The following NTN4 variants were observed in gnomAD, a reference collection of about 807,000 sequenced individuals.
The protein encoded by NTN4 is netrin 4.
Under a neutral mutation model 73.6 loss-of-function variants are expected in NTN4, and 32 were observed. That is an observed-to-expected ratio of 0.44 (90% CI 0.33 to 0.58). The LOEUF is 0.58. Ranked by LOEUF, NTN4 falls within the 20% of genes least tolerant of loss-of-function variation. NTN4 has a pLI of 0.04. For synonymous variants in NTN4, 258 were observed against 287.5 expected (o/e 0.90, Z 1.04); for missense variants, 654 against 798.3 (o/e 0.82, Z 2.18).
chr12:95,736,702 G>A (rs2078780619), intron 3 of NTN4, among the ~76,000 whole-genome samples: 1 of 152,214 alleles, frequency 6.6e-6, no homozygotes, highest in Non-Finnish European at 1.5e-5. Context: ...TCTGTTGAAT[G>A]AATGCTGCAT....
intron 2 of NTN4, among the ~76,000 whole-genome samples, chr12:95,749,164 C>T (rs1007522459): frequency 3.3e-5 from 5 of 152,198 alleles, no homozygotes; most frequent in Non-Finnish European, 5.9e-5. Flanking sequence ...ACGGCCCCAC[C>T]CCTATCTCCC....
chr12:95,764,618 T>C (rs1049518188), intron 2 of NTN4, among the ~76,000 whole-genome samples: 2 of 150,804 alleles, frequency 1.3e-5, no homozygotes, highest in Admixed American at 6.6e-5. Context: ...TGAGCCAAGA[T>C]TGCACCACTG....
In NTN4 at chr12:95,672,561, GCCT is replaced by G; in HGVS notation, c.1511-2418_1511-2416del. On this transcript the variant is annotated intron_variant, in intron 7 of 9. Coordinates refer to ENST00000343702, the MANE Select transcript of NTN4 (RefSeq NM_021229.4). The stretch of plus-strand genomic sequence containing the variant: ...GGCCCACCTGTAATGAGGACTTGGC[GCCT>G]CAATGAGCGGCACTATGGGGGTCTG... 18 of 1,521,424 alleles carry G rather than the reference GCCT, an allele frequency of 1.2e-5. No individual in the cohort carries two copies. The South Asian group carries it at 2.0e-4, about 17-fold the overall frequency. 94.2% of individuals were successfully genotyped at this position (1,521,424 alleles called of 1,614,324 possible). A position where few individuals can be genotyped will look rare whatever the true frequency, so the allele number is the denominator to read the frequency against.
At chr12:95,783,780 A>G (rs1233864028) in intron 2 of NTN4, among the ~76,000 whole-genome samples, 6 of 152,248 alleles carry the variant, frequency 3.9e-5, no homozygotes, top group African/African-American at 1.4e-4. Context: ...TCTTTGAAAG[A>G]GCTGGGCAGT....
At chr12:95,754,054 TAAAC>T (rs1259501231) in intron 2 of NTN4, among the ~76,000 whole-genome samples, 2 of 152,214 alleles carry the variant, frequency 1.3e-5, no homozygotes, top group Non-Finnish European at 1.5e-5. Flanking sequence ...ACTCCTGAAG[TAAAC>T]AAACAATCTT....
chr12:95,742,149 G>T (rs1022330481), intron 2 of NTN4, among the ~76,000 whole-genome samples: 1 of 152,044 alleles, frequency 6.6e-6, no homozygotes, highest in African/African-American at 2.4e-5. Context: ...AGGTGAAAAT[G>T]ACCTATATGA....
chr12:95,664,347 C>T (rs2078162830), intron 9 of NTN4, among the ~76,000 whole-genome samples: 1 of 152,036 alleles, frequency 6.6e-6, no homozygotes, highest in Non-Finnish European at 1.5e-5. Flanking sequence ...CGTGAACCAC[C>T]ATGCCCAGTC....
chr12:95,743,187 C>T (rs753325744), intron 2 of NTN4, among the ~76,000 whole-genome samples: 1 of 152,170 alleles, frequency 6.6e-6, no homozygotes, highest in Non-Finnish European at 1.5e-5. Context: ...AGGAACATAA[C>T]TGCATTTGTT....
intron 3 of NTN4, among the ~76,000 whole-genome samples, chr12:95,725,495 TTC>T (rs1403760942): frequency 2.0e-5 from 3 of 152,220 alleles, no homozygotes; most frequent in African/African-American, 7.2e-5. Flanking sequence ...CTACTATGCA[TTC>T]TCTTACAAAG....
chr12:95,769,217 A>G (rs2079039382), intron 2 of NTN4, among the ~76,000 whole-genome samples: 1 of 152,218 alleles, frequency 6.6e-6, no homozygotes, highest in Non-Finnish European at 1.5e-5. Context: ...CCGAAGGAGC[A>G]AGAAGGTAAA....
chr12:95,700,696 G>A (rs1054419277), intron 5 of NTN4, among the ~76,000 whole-genome samples: 2 of 152,052 alleles, frequency 1.3e-5, no homozygotes, highest in African/African-American at 4.8e-5. Flanking sequence ...ATCAGGTCAG[G>A]GTTCCCTCCC....
chr12:95,740,208 C>T (rs953578492), intron 2 of NTN4, among the ~76,000 whole-genome samples: 2 of 152,222 alleles, frequency 1.3e-5, no homozygotes, highest in Non-Finnish European at 2.9e-5. Context: ...TACCCTGCGT[C>T]AGGAAACAAA....
intron 2 of NTN4, among the ~76,000 whole-genome samples, chr12:95,762,429 T>G (rs2078995137): frequency 6.6e-6 from 1 of 152,294 alleles, no homozygotes; most frequent in Non-Finnish European, 1.5e-5. Context: ...TCATGAAAGG[T>G]TTTCTCAGTA....
chr12:95,762,379 C>A (rs1444263620), intron 2 of NTN4, among the ~76,000 whole-genome samples: 1 of 152,166 alleles, frequency 6.6e-6, no homozygotes, highest in African/African-American at 2.4e-5. Context: ...CCACTTTGTC[C>A]TTCACTTGTA....
chr12:95,702,699 T>A (rs1002433413), intron 5 of NTN4, among the ~76,000 whole-genome samples: 2 of 152,230 alleles, frequency 1.3e-5, no homozygotes, highest in East Asian at 3.9e-4. Flanking sequence ...GAATGTAACA[T>A]CTCTTAGGGA....
chr12:95,695,919 C>A (rs1226346261), intron 5 of NTN4, among the ~76,000 whole-genome samples: 1 of 151,104 alleles, frequency 6.6e-6, no homozygotes, highest in African/African-American at 2.4e-5. Flanking sequence ...TTCCTCCCTC[C>A]CTCCCTCTTT....
intron 5 of NTN4, among the ~76,000 whole-genome samples, chr12:95,705,317 T>C (rs888729335): frequency 1.3e-5 from 2 of 152,150 alleles, no homozygotes; most frequent in Admixed American, 1.3e-4. Context: ...GCAATTATAG[T>C]AGATGACGCA....
chr12:95,680,916 G>A (rs572644209), intron 7 of NTN4, among the ~76,000 whole-genome samples: 74 of 152,168 alleles, frequency 4.9e-4, no homozygotes, highest in Non-Finnish European at 8.5e-4. Flanking sequence ...ACGGCCGGGC[G>A]CGGTGGCTCA....
chr12:95,723,432 A>C (rs2078664983), intron 3 of NTN4, among the ~76,000 whole-genome samples: 2 of 152,192 alleles, frequency 1.3e-5, no homozygotes, highest in African/African-American at 4.8e-5. Context: ...GTCCATAGAA[A>C]TGCAAATCAG....
Sources: allele counts gnomAD v4.1 joint callset (sites outside exome capture counted in the v4.1 genomes callset), GRCh38; gene constraint gnomAD v4.1.1; transcripts MANE v1.5; gene names NCBI Gene and HGNC (gene_info 2026-07-23, HGNC 2026-07-21).